ENTREP2: variants seen among roughly 807,000 people sequenced by gnomAD.
ENTREP2 encodes protein ENTREP2.
chr15:29,242,328 C>T, the ENTREP2 span, among the ~76,000 whole-genome samples: 1 of 151,998 alleles, frequency 6.6e-6, no homozygotes, highest in African/African-American at 2.4e-5. Context: ...CTTGGCCTCC[C>T]AAAGTGCTGG....
chr15:29,334,119 C>T, the ENTREP2 span, among the ~76,000 whole-genome samples: 2,691 of 152,252 alleles, frequency 0.018, 92 homozygotes, highest in African/African-American at 0.062. Flanking sequence ...CTTAAGCCAC[C>T]TTGTCTATCG....
chr15:29,336,066 C>T, the ENTREP2 span, among the ~76,000 whole-genome samples: 18 of 133,468 alleles, frequency 1.3e-4, no homozygotes, highest in Admixed American at 8.9e-4. Context: ...GGCATGAACC[C>T]GGGAGGTGGA....
the ENTREP2 span, among the ~76,000 whole-genome samples, chr15:29,481,517 C>T: frequency 4.6e-5 from 7 of 152,202 alleles, no homozygotes; most frequent in African/African-American, 1.7e-4. Flanking sequence ...CAGACGTACC[C>T]TCCACATCTG....
At chr15:29,491,782 A>G in the ENTREP2 span, among the ~76,000 whole-genome samples, 1 of 152,240 alleles carries the variant, frequency 6.6e-6, no homozygotes, top group Non-Finnish European at 1.5e-5. Context: ...ACTTAGAACA[A>G]CTAGAAAACA....
chr15:29,214,808 T>C, the ENTREP2 span, among the ~76,000 whole-genome samples: 4 of 152,236 alleles, frequency 2.6e-5, no homozygotes, highest in Non-Finnish European at 5.9e-5. Context: ...GTCTAAGTGC[T>C]TGATACAATT....
chr15:29,628,498 T>A, the ENTREP2 span, among the ~76,000 whole-genome samples: 26 of 152,236 alleles, frequency 1.7e-4, no homozygotes, highest in Non-Finnish European at 2.8e-4. Context: ...CTGTTGTCAC[T>A]TAGAATATTC....
At chr15:29,495,491 A>G in the ENTREP2 span, among the ~76,000 whole-genome samples, 8 of 152,222 alleles carry the variant, frequency 5.3e-5, no homozygotes, top group East Asian at 1.5e-3. Flanking sequence ...TGAGCTTTCT[A>G]TGTTTTCTTC....
At chr15:29,360,311 A>G in the ENTREP2 span, among the ~76,000 whole-genome samples, 1 of 152,164 alleles carries the variant, frequency 6.6e-6, no homozygotes, top group Non-Finnish European at 1.5e-5. Flanking sequence ...CTACCTCAGC[A>G]TATTAGATTT....
chr15:29,268,481 A>G, the ENTREP2 span: 2 of 329,712 alleles, frequency 6.1e-6, no homozygotes, highest in South Asian at 2.9e-4. Flanking sequence ...CAACTTACTT[A>G]TGTGTTCCTT....
At chr15:29,528,093 C>A in the ENTREP2 span, among the ~76,000 whole-genome samples, 22 of 152,110 alleles carry the variant, frequency 1.4e-4, no homozygotes, top group Non-Finnish European at 2.8e-4. Context: ...ACTCCATGAT[C>A]CTTGCCCTGG....
chr15:29,433,119 C>A, the ENTREP2 span, among the ~76,000 whole-genome samples: 1 of 152,178 alleles, frequency 6.6e-6, no homozygotes, highest in South Asian at 2.1e-4. Context: ...TGGGCCAGCC[C>A]CCGACGGTCC....
At chr15:29,243,614 A>AT in the ENTREP2 span, among the ~76,000 whole-genome samples, 1 of 152,110 alleles carries the variant, frequency 6.6e-6, no homozygotes, top group Non-Finnish European at 1.5e-5. Context: ...CAAATTCCCC[A>AT]TTTCCTCCCG....
At chr15:29,631,301 G>A in the ENTREP2 span, among the ~76,000 whole-genome samples, 2 of 152,176 alleles carry the variant, frequency 1.3e-5, no homozygotes, top group Non-Finnish European at 2.9e-5. Context: ...GTTATTTTCT[G>A]GGTTCCTGGC....
chr15:29,450,387 T>C, the ENTREP2 span, among the ~76,000 whole-genome samples: 1 of 152,218 alleles, frequency 6.6e-6, no homozygotes, highest in African/African-American at 2.4e-5. Context: ...CCTTAATCCA[T>C]CTTCAGTTGA....
the ENTREP2 span, among the ~76,000 whole-genome samples, chr15:29,674,643 T>C: frequency 6.6e-6 from 1 of 151,374 alleles, no homozygotes; most frequent in Non-Finnish European, 1.5e-5. Context: ...ATTAAGAATA[T>C]CGAGGGATGG....
the ENTREP2 span, among the ~76,000 whole-genome samples, chr15:29,463,223 C>G: frequency 2.0e-5 from 3 of 152,104 alleles, no homozygotes; most frequent in African/African-American, 7.2e-5. Context: ...AGGCTGGAAA[C>G]CAGGGGTTGG....
At chr15:29,364,015 C>T in the ENTREP2 span, among the ~76,000 whole-genome samples, 1 of 152,136 alleles carries the variant, frequency 6.6e-6, no homozygotes, top group Non-Finnish European at 1.5e-5. Context: ...ACCACCCAAA[C>T]ATCCGCAGGA....
At chr15:29,134,824 C>T in the ENTREP2 span, among the ~76,000 whole-genome samples, 2 of 152,194 alleles carry the variant, frequency 1.3e-5, no homozygotes, top group Non-Finnish European at 2.9e-5. Flanking sequence ...CATGTGGGCT[C>T]TCGGGATCTC....
chr15:29,529,946 T>C, the ENTREP2 span, among the ~76,000 whole-genome samples: 1 of 152,172 alleles, frequency 6.6e-6, no homozygotes, highest in Admixed American at 6.5e-5. Flanking sequence ...AGAGCTAAAA[T>C]GAAGCTACAT....
Sources: gnomAD v4.1 joint callset for allele counts (sites outside exome capture counted in the v4.1 genomes callset) on GRCh38, gnomAD v4.1.1 for gene constraint, MANE v1.5 for transcripts, NCBI Gene and HGNC (gene_info 2026-07-23, HGNC 2026-07-21) for gene names.